RND3: variants seen among roughly 807,000 people sequenced by gnomAD.
RND3 encodes the protein rho-related GTP-binding protein RhoE.
RND3 carries 8 observed loss-of-function variants against 26.5 expected under a neutral mutation model. That is an observed-to-expected ratio of 0.30 (90% CI 0.18 to 0.54). The LOEUF is 0.54. Among genes scored for constraint, RND3 ranks in the 20% least tolerant of loss-of-function variants. RND3 has a pLI of 0.94. For missense variants in RND3, 207 were observed against 302.8 expected (o/e 0.68, Z 2.35); for synonymous variants, 113 against 113.0 (o/e 1.00, Z 0.00).
At chr2:150,484,708 T>C (rs1368542585) in intron 3 of RND3, among the ~76,000 whole-genome samples, 1 of 152,186 alleles carries the variant, frequency 6.6e-6, no homozygotes, top group African/African-American at 2.4e-5. Context: ...GGAGAGATCC[T>C]GCACATCATC....
chr2:150,478,853 T>C (rs924426016), intron 3 of RND3, among the ~76,000 whole-genome samples: 4 of 152,178 alleles, frequency 2.6e-5, no homozygotes, highest in African/African-American at 9.7e-5. Context: ...GCATGTGGAA[T>C]AGGCTTCATG....
chr2:150,487,474 A>AAAAAAAAAATATATAT lies in RND3; in HGVS notation c.-38-20_-38-19insATATATATTTTTTTTT. 5 of 200,814 alleles carry AAAAAAAAAATATATAT rather than the reference A, an allele frequency of 2.5e-5. No homozygotes were observed. The highest frequency in any genetic ancestry group is 7.2e-5 in the Admixed American group (1 of 13,822). 12.4% of individuals were successfully genotyped at this position (200,814 alleles called of 1,614,324 possible). A position where few individuals can be genotyped will look rare whatever the true frequency, so the allele number is the denominator to read the frequency against. Reference sequence around the variant, plus strand: ...ATTTTCTCTTAAGAAGAAAAAAAAAAATATATATATATATATATATTTCTC... The same window carrying AAAAAAAAAATATATAT: ...ATTTTCTCTTAAGAAGAAAAAAAAAAAAAAAAAAATATATATATATATATATATATATATATTTCTC... On this transcript the variant is annotated intron_variant, in intron 1 of 5. Transcript: ENST00000263895.
In RND3 at chr2:150,487,475, A is replaced by ATATATC; in HGVS notation, c.-38-21_-38-20insGATATA. The ATATATC allele has an allele frequency of 5.9e-6, 1 of 169,982 alleles. No homozygotes were observed. Among genetic ancestry groups the ATATATC allele is most frequent in the Non-Finnish European group, 8.5e-6 (1 of 118,136 alleles). 10.5% of individuals were successfully genotyped at this position (169,982 alleles called of 1,614,324 possible). A position where few individuals can be genotyped will look rare whatever the true frequency, so the allele number is the denominator to read the frequency against. On this transcript the variant is annotated intron_variant, in intron 1 of 5. Transcript: ENST00000263895. Reference sequence around the variant, plus strand: ...TTTTCTCTTAAGAAGAAAAAAAAAAATATATATATATATATATATTTCTCT... The same window carrying ATATATC: ...TTTTCTCTTAAGAAGAAAAAAAAAAATATATCTATATATATATATATATATTTCTCT...
In RND3 at chr2:150,469,968, A is replaced by T. The variant is rs780311687; in HGVS notation, c.*19T>A. The stretch of plus-strand genomic sequence containing the variant: ...TTTTACACTAGATTCCTTTGTCTTC[A>T]TTAAAGATAATGAAAGATTCACATC... On this transcript the variant is annotated 3_prime_UTR_variant, in exon 6 of 6. Coordinates refer to ENST00000263895, the MANE Select transcript of RND3 (RefSeq NM_005168.5). The T allele has an allele frequency of 6.2e-7, 1 of 1,611,710 alleles. No homozygotes were observed. The highest frequency in any genetic ancestry group is 1.7e-5 in the Admixed American group (1 of 59,792).
At chr2:150,484,157 C>T (rs1686321333) in intron 3 of RND3, among the ~76,000 whole-genome samples, 1 of 152,220 alleles carries the variant, frequency 6.6e-6, no homozygotes, top group Non-Finnish European at 1.5e-5. Context: ...CTATGCATAT[C>T]ATTACTCATT....
intron 3 of RND3, among the ~76,000 whole-genome samples, chr2:150,480,901 C>T (rs1440520855): frequency 6.6e-6 from 1 of 152,142 alleles, no homozygotes; most frequent in East Asian, 1.9e-4. Context: ...TTTTGAAACC[C>T]TAAGCTCCAA....
Position 150,487,535 on chromosome 2 carries a change from G to A in RND3, c.-39+14C>T. On this transcript the variant is annotated intron_variant, in intron 1 of 5. Coordinates refer to ENST00000263895, the MANE Select transcript of RND3 (RefSeq NM_005168.5). ...AAGCAGATATAAAAATAAATCACAAGGCTGATGGGCAACCTCTGAAACGCG... is the reference window on the plus strand; with the variant it reads ...AAGCAGATATAAAAATAAATCACAAAGCTGATGGGCAACCTCTGAAACGCG... The A allele has an allele frequency of 4.1e-6, 1 of 245,798 alleles. No homozygotes were observed. Among genetic ancestry groups the A allele is most frequent in the Non-Finnish European group, 6.8e-6 (1 of 148,100 alleles). The allele number at this position is 245,798 out of a possible 1,614,324, so 15.2% of individuals were successfully genotyped here. A position where few individuals can be genotyped will look rare whatever the true frequency, so the allele number is the denominator to read the frequency against.
Position 150,487,401 on chromosome 2 carries a change from G to A in RND3, c.17C>T (p.Ala6Val), listed in dbSNP as rs759966800. 5 of 1,525,466 alleles carry A rather than the reference G, an allele frequency of 3.3e-6. No individual in the cohort carries two copies. In the South Asian group the frequency reaches 5.2e-5, roughly 16 times the overall value. The allele number at this position is 1,525,466 out of a possible 1,614,324, so 94.5% of individuals were successfully genotyped here. MKERR[A>V]SQKLSSKSIM... ...AGATTTGCTGGATAATTTCTGGCTG[G>A]CTCTTCTCTCCTTCATTGATGTTGC... Residue 6 changes from alanine to valine, a missense_variant, in exon 2 of 6, where the codon GCC becomes GTC. Ala to Val is a moderately conservative substitution (Grantham distance 64). Transcript: ENST00000263895.
At chr2:150,482,358 A>G (rs932745825) in intron 3 of RND3, among the ~76,000 whole-genome samples, 7 of 152,162 alleles carry the variant, frequency 4.6e-5, no homozygotes, top group South Asian at 2.1e-4. Context: ...TCATGCTACA[A>G]ATTACTTCTA....
chr2:150,481,621 C>T (rs997027641), intron 3 of RND3, among the ~76,000 whole-genome samples: 1 of 152,104 alleles, frequency 6.6e-6, no homozygotes, highest in African/African-American at 2.4e-5. Context: ...CCTCCCATAG[C>T]ATCTAGCAGA....
intron 2 of RND3, 108 bp downstream of exon 2, chr2:150,487,160 C>CTTTTT: frequency 2.0e-6 from 1 of 487,912 alleles, no homozygotes; most frequent in Non-Finnish European, 3.1e-6. Context: ...TTTTTTTTTT[C>CTTTTT]TTTTTTTTTT....
At chr2:150,487,055 C>A (rs1686384681) in intron 2 of RND3, 1 of 604,012 alleles carries the variant, frequency 1.7e-6, no homozygotes, top group Non-Finnish European at 2.9e-6. Flanking sequence ...GCTAACCAGC[C>A]CATGTGCAGG....
intron 3 of RND3, among the ~76,000 whole-genome samples, chr2:150,484,464 T>C (rs1686326395): frequency 6.6e-6 from 1 of 152,166 alleles, no homozygotes; most frequent in Admixed American, 6.5e-5. Context: ...ATAGGAAATG[T>C]ATAGCCCAGC....
Position 150,487,319 on chromosome 2 carries a change from C to G in RND3, c.99G>C (p.Gln33His), listed in dbSNP as rs1686395890. 1.2e-6 allele frequency: 2 copies of G among 1,605,912 alleles called. No individual in the cohort carries two copies. Among genetic ancestry groups the G allele is most frequent in the South Asian group, 2.2e-5 (2 of 90,336 alleles). Reference protein sequence around the residue: ...KCKIVVVGDSQCGKTALLHVF... With the variant: ...KCKIVVVGDSHCGKTALLHVF... ...CATGGAGCAGCGCAGTTTTTCCACA[C>G]TGACTGTCTCCCACCACAACTATCT... The change falls in exon 2 of 6, where the codon CAG becomes CAC. Residue 33 changes from glutamine to histidine, a missense_variant. Gln to His is a conservative substitution (Grantham distance 24). Coordinates refer to ENST00000263895, the MANE Select transcript of RND3 (RefSeq NM_005168.5).
At chr2:150,487,002 C>T (rs1165526623) in intron 2 of RND3, 2 of 614,268 alleles carry the variant, frequency 3.3e-6, no homozygotes, top group Non-Finnish European at 5.8e-6. Flanking sequence ...ACCCGAATCT[C>T]CCAACCCCAG....
chr2:150,476,984 C>T (rs1029157424), intron 3 of RND3, among the ~76,000 whole-genome samples: 14 of 152,174 alleles, frequency 9.2e-5, no homozygotes, highest in African/African-American at 3.4e-4. Context: ...ATTTGAATGA[C>T]TCTTTCCAAA....
At chr2:150,472,907 C>T (rs911654218) in intron 4 of RND3, among the ~76,000 whole-genome samples, 1 of 152,088 alleles carries the variant, frequency 6.6e-6, no homozygotes, top group Non-Finnish European at 1.5e-5. Context: ...CTTTGGGTAA[C>T]GAACTCTAGT....
chr2:150,469,980 G>A lies in RND3; in HGVS notation c.*7C>T, dbSNP rs756131805. The A allele has an allele frequency of 2.5e-6, 4 of 1,612,408 alleles. No homozygotes were observed. The highest frequency in any genetic ancestry group is 3.4e-6 in the Non-Finnish European group (4 of 1,179,018). ...TTCCTTTGTCTTCATTAAAGATAAT[G>A]AAAGATTCACATCACAGTGCAGCTC... On this transcript the variant is annotated 3_prime_UTR_variant, in exon 6 of 6. Transcript: ENST00000263895.
chr2:150,487,464 GAAAAA>G lies in RND3; in HGVS notation c.-38-14_-38-10del, dbSNP rs71422244. ...TGGAACAGGAATTTTCTCTTAAGAA[GAAAAA>G]AAAAAATATATATATATATATATAT... On this transcript the variant is annotated splice_polypyrimidine_tract_variant and intron_variant, in intron 1 of 5. Transcript: ENST00000263895. 2.7e-3 allele frequency: 791 copies of G among 288,258 alleles called. 15 individuals carry two copies. The highest frequency in any genetic ancestry group is 0.016 in the Middle Eastern group (23 of 1,426). The allele number at this position is 288,258 out of a possible 1,614,324, so 17.9% of individuals were successfully genotyped here.
Sources: gnomAD v4.1 joint callset for allele counts (sites outside exome capture counted in the v4.1 genomes callset) on GRCh38, gnomAD v4.1.1 for gene constraint, MANE v1.5 for transcripts, NCBI Gene and HGNC (gene_info 2026-07-23, HGNC 2026-07-21) for gene names.